PLCB1: variants seen among roughly 807,000 people sequenced by gnomAD.
PLCB1 encodes the protein 1-phosphatidylinositol 4,5-bisphosphate phosphodiesterase beta-1.
Under a neutral mutation model 161.8 loss-of-function variants are expected in PLCB1, and 46 were observed. That is an observed-to-expected ratio of 0.28 (90% CI 0.22 to 0.36). The LOEUF (loss-of-function observed/expected upper bound fraction) is 0.36. PLCB1 is among the 10% of genes least tolerant of loss of function. The pLI is 1.00. For synonymous variants in PLCB1, 517 were observed against 503.7 expected (o/e 1.03, Z -0.35); for missense variants, 1,016 against 1,472.5 (o/e 0.69, Z 5.07).
At chr20:8,500,464 A>G (rs977461) in intron 3 of PLCB1, among the ~76,000 whole-genome samples, 120,310 of 152,104 alleles carry the variant, frequency 0.79, 48,249 homozygotes, top group African/African-American at 0.93. Context: ...GTAATCCATT[A>G]TGATATGAGC....
chr20:8,225,290 T>G (rs1399584258), intron 2 of PLCB1, among the ~76,000 whole-genome samples: 3 of 152,226 alleles, frequency 2.0e-5, no homozygotes, highest in Non-Finnish European at 2.9e-5. Context: ...TTCTGTTTTG[T>G]TTTTTTCTGC....
chr20:8,872,522 T>C (rs375610187), intron 31 of PLCB1, among the ~76,000 whole-genome samples: 1 of 152,178 alleles, frequency 6.6e-6, no homozygotes, highest in Non-Finnish European at 1.5e-5. Context: ...TGTCTATAGG[T>C]GTCAGTCCTG....
chr20:8,588,293 T>C (rs1266601922), intron 3 of PLCB1, among the ~76,000 whole-genome samples: 1 of 152,184 alleles, frequency 6.6e-6, no homozygotes, highest in Non-Finnish European at 1.5e-5. Context: ...CTCACCATAG[T>C]AGTGGTCTGT....
intron 7 of PLCB1, among the ~76,000 whole-genome samples, chr20:8,650,438 G>A (rs1162718157): frequency 6.6e-6 from 1 of 152,128 alleles, no homozygotes; most frequent in African/African-American, 2.4e-5. Flanking sequence ...TAATCTACAT[G>A]TGATTAAAAG....
Position 8,222,846 on chromosome 20 carries a change from A to T in PLCB1, c.177+72475A>T, listed in dbSNP as rs138068598. On this transcript the variant is annotated intron_variant, in intron 2 of 31. Coordinates refer to ENST00000338037, the MANE Select transcript of PLCB1 (RefSeq NM_015192.4). Reference sequence around the variant, plus strand: ...CAGCCTTCTCTGTGAAATAAATTCAATCCTTTATTACACAGTTTTTTTTTA... The same window carrying T: ...CAGCCTTCTCTGTGAAATAAATTCATTCCTTTATTACACAGTTTTTTTTTA... 8.0e-3 allele frequency among the ~76,000 whole-genome samples: 1,222 copies of T among 152,222 alleles called. 20 individuals are homozygous for T. The highest frequency in any genetic ancestry group is 0.028 in the African/African-American group (1,171 of 41,550).
chr20:8,271,249 A>C (rs1351261408), intron 2 of PLCB1, among the ~76,000 whole-genome samples: 1 of 152,076 alleles, frequency 6.6e-6, no homozygotes, highest in African/African-American at 2.4e-5. Context: ...TTCTTTTGGC[A>C]GTTTAGTCTA....
intron 3 of PLCB1, among the ~76,000 whole-genome samples, chr20:8,455,566 G>A (rs530908803): frequency 2.0e-4 from 29 of 147,240 alleles, no homozygotes; most frequent in African/African-American, 5.0e-4. Flanking sequence ...TCAGCCTCCC[G>A]AGTAGCTGGG....
intron 3 of PLCB1, among the ~76,000 whole-genome samples, chr20:8,433,389 G>T (rs953819): frequency 6.7e-6 from 1 of 148,994 alleles, no homozygotes; most frequent in Non-Finnish European, 1.5e-5. Context: ...TTTGGGGAGA[G>T]TGGGCTTCTT....
At chr20:8,871,409 C>T (rs1987604941) in intron 31 of PLCB1, among the ~76,000 whole-genome samples, 1 of 152,156 alleles carries the variant, frequency 6.6e-6, no homozygotes, top group South Asian at 2.1e-4. Context: ...AAGGTATTGG[C>T]AGATTCTACA....
intron 2 of PLCB1, among the ~76,000 whole-genome samples, chr20:8,198,953 C>G: frequency 6.7e-6 from 1 of 150,166 alleles, no homozygotes; most frequent in Non-Finnish European, 1.5e-5. Context: ...GACAGACAGA[C>G]ACACACACAC....
At chr20:8,720,626 A>G (rs1451821947) in intron 14 of PLCB1, among the ~76,000 whole-genome samples, 1 of 151,790 alleles carries the variant, frequency 6.6e-6, no homozygotes, top group Non-Finnish European at 1.5e-5. Flanking sequence ...TTATAGTTCA[A>G]CAAGATTCCC....
intron 31 of PLCB1, among the ~76,000 whole-genome samples, chr20:8,875,843 T>G (rs1273727713): frequency 6.6e-6 from 1 of 152,140 alleles, no homozygotes; most frequent in African/African-American, 2.4e-5. Context: ...GGGTTTTGTT[T>G]GTTTGTTTTC....
chr20:8,574,801 T>C (rs4286345), intron 3 of PLCB1, among the ~76,000 whole-genome samples: 5 of 146,058 alleles, frequency 3.4e-5, no homozygotes, highest in African/African-American at 1.4e-4. Context: ...CCAGGAGACA[T>C]CAACTCTCTT....
rs1400966540 is a variant in PLCB1 at position 8,834,738 on chromosome 20, C to G, written c.3423+44477C>G. On this transcript the variant is annotated intron_variant, in intron 31 of 31. Transcript: ENST00000338037. Reference sequence around the variant, plus strand: ...GCTGAGACAGGAGAATTGCTTGAACCTGGGAGGCAGAGGTTGCAGTGAGCC... The same window carrying G: ...GCTGAGACAGGAGAATTGCTTGAACGTGGGAGGCAGAGGTTGCAGTGAGCC... Among the ~76,000 whole-genome samples the G allele has an allele frequency of 7.7e-5, 11 of 143,424 alleles. No individual in the cohort carries two copies. The Admixed American group carries it at 7.9e-4, about 10-fold the overall frequency. The allele number at this position is 143,424 out of a possible 152,430, so 94.1% of individuals were successfully genotyped here.
chr20:8,881,909 T>C lies in PLCB1; in HGVS notation c.*60T>C. 1 of 1,117,706 alleles carries C rather than the reference T, an allele frequency of 8.9e-7. No homozygotes were observed. Among genetic ancestry groups the C allele is most frequent in the South Asian group, 1.3e-5 (1 of 77,126 alleles). The allele number at this position is 1,117,706 out of a possible 1,614,324, so 69.2% of individuals were successfully genotyped here. On this transcript the variant is annotated 3_prime_UTR_variant, in exon 32 of 32. Coordinates refer to ENST00000338037, the MANE Select transcript of PLCB1 (RefSeq NM_015192.4). Reference sequence around the variant, plus strand: ...ACTCCAGCGTCATCGGACTCTCTCTTATTACAAAGATCACTGCCCAGGACC... The same window carrying C: ...ACTCCAGCGTCATCGGACTCTCTCTCATTACAAAGATCACTGCCCAGGACC...
chr20:8,582,158 G>A (rs1207152343), intron 3 of PLCB1, among the ~76,000 whole-genome samples: 5 of 152,102 alleles, frequency 3.3e-5, no homozygotes, highest in African/African-American at 1.2e-4. Context: ...ACATTATATT[G>A]TGGGGATAGC....
At chr20:8,480,874 C>T (rs973433627) in intron 3 of PLCB1, among the ~76,000 whole-genome samples, 9 of 151,026 alleles carry the variant, frequency 6.0e-5, no homozygotes, top group African/African-American at 1.9e-4. Context: ...GAGGCTGAGG[C>T]GGGCTGATCA....
intron 3 of PLCB1, among the ~76,000 whole-genome samples, chr20:8,388,661 GTTTGT>G (rs1037308729): frequency 4.0e-5 from 6 of 151,744 alleles, no homozygotes; most frequent in African/African-American, 1.5e-4. Flanking sequence ...TTGTTTTTTG[GTTTGT>G]TTTGTCATTT....
intron 11 of PLCB1, among the ~76,000 whole-genome samples, chr20:8,707,874 C>T (rs1011999138): frequency 2.6e-5 from 4 of 152,138 alleles, no homozygotes; most frequent in African/African-American, 9.7e-5. Context: ...CATGTTACAA[C>T]ATGGATGAAC....
Sources: gnomAD v4.1 joint callset for allele counts (sites outside exome capture counted in the v4.1 genomes callset) on GRCh38, gnomAD v4.1.1 for gene constraint, MANE v1.5 for transcripts, NCBI Gene and HGNC (gene_info 2026-07-23, HGNC 2026-07-21) for gene names.